The following TXNRD3 variants were observed in gnomAD, a reference collection of about 807,000 sequenced individuals.
The protein encoded by TXNRD3 is TXNRD3 neighbor gene protein.
Under a neutral mutation model 78.2 loss-of-function variants are expected in TXNRD3, and 68 were observed. The observed-to-expected ratio is 0.87, with a 90% CI of 0.72 to 1.06. TXNRD3 has a LOEUF of 1.06. Among genes scored for constraint, TXNRD3 ranks in the 50% least tolerant of loss-of-function variants. TXNRD3 has a pLI of 0.00. For missense variants in TXNRD3, 751 were observed against 809.5 expected (o/e 0.93, Z 0.88); for synonymous variants, 296 against 300.1 (o/e 0.99, Z 0.14).
At chr3:126,610,939 T>A in intron 14 of TXNRD3, 98 bp downstream of exon 14, 1 of 694,568 alleles carries the variant, frequency 1.4e-6, no homozygotes, top group Non-Finnish European at 2.2e-6. Context: ...CATGGCAAGA[T>A]CCCGTCTCTA....
chr3:126,615,823 A>T (rs1185875371), intron 12 of TXNRD3, among the ~76,000 whole-genome samples: 1 of 152,198 alleles, frequency 6.6e-6, no homozygotes, highest in East Asian at 1.9e-4. Context: ...CTGCTCCTGG[A>T]GCACTTCTTC....
intron 13 of TXNRD3, 45 bp downstream of exon 13, chr3:126,615,310 G>A: frequency 3.2e-6 from 3 of 945,466 alleles, no homozygotes; most frequent in South Asian, 3.8e-5. Context: ...ATAAATTGTT[G>A]ATTAAAAGAG....
chr3:126,621,845 T>G lies in TXNRD3; in HGVS notation c.1421A>C (p.Tyr474Ser). Residue 474 changes from tyrosine to serine, a missense_variant, in exon 12 of 16, where the codon TAT (tyrosine) becomes TCT (serine). Transcript: ENST00000524230. ...ATCCTCCAAAATATCACCAACAGCA[T>G]AGACATATGGCACATTGGTCTGTTC... 6.5e-7 allele frequency: 1 copy of G among 1,535,290 alleles called. No individual in the cohort carries two copies. The highest frequency in any genetic ancestry group is 2.4e-5 in the East Asian group (1 of 40,912).
intron 6 of TXNRD3, among the ~76,000 whole-genome samples, chr3:126,635,477 G>C (rs1031774946): frequency 6.6e-6 from 1 of 152,110 alleles, no homozygotes; most frequent in Non-Finnish European, 1.5e-5. Flanking sequence ...GATGTGTTTA[G>C]TCCTGCAACA....
rs868319344 is a variant in TXNRD3 at position 126,612,185 on chromosome 3, G to A, written c.1633-1053C>T. ...CCCAAGTAGCTGGGACTACAGGTGC[G>A]CATCTCCACACCTGGCTAATTTTTG... On this transcript the variant is annotated intron_variant, in intron 13 of 15. Transcript: ENST00000524230. 3.3e-5 allele frequency among the ~76,000 whole-genome samples: 5 copies of A among 152,062 alleles called. No individual in the cohort carries two copies. The Middle Eastern group carries it at 0.017, about 517-fold the overall frequency.
At chr3:126,638,861 C>T (rs1932986139) in intron 6 of TXNRD3, among the ~76,000 whole-genome samples, 1 of 152,232 alleles carries the variant, frequency 6.6e-6, no homozygotes, top group Non-Finnish European at 1.5e-5. Flanking sequence ...ACAGAATTAA[C>T]GTCATTTGAC....
chr3:126,610,735 C>A (rs1205752289), intron 14 of TXNRD3, among the ~76,000 whole-genome samples: 1 of 152,178 alleles, frequency 6.6e-6, no homozygotes, highest in Non-Finnish European at 1.5e-5. Flanking sequence ...TTTGAGAGGA[C>A]ACTGGTAGGG....
intron 5 of TXNRD3, 102 bp from the exon 6 acceptor site, chr3:126,642,253 G>T (rs528996113): frequency 1.5e-6 from 2 of 1,350,204 alleles, no homozygotes; most frequent in African/African-American, 3.0e-5. Flanking sequence ...CTCAATGGTG[G>T]GGGGGATGAC....
chr3:126,617,619 A>G (rs1938347485), intron 12 of TXNRD3, among the ~76,000 whole-genome samples: 1 of 152,234 alleles, frequency 6.6e-6, no homozygotes, highest in Non-Finnish European at 1.5e-5. Context: ...ACATTCTACA[A>G]GAAAAGTAAC....
chr3:126,637,932 CTTTTTTTTTTTTTTTTTT>C (rs71615916), intron 6 of TXNRD3, among the ~76,000 whole-genome samples: 4 of 60,190 alleles, frequency 6.6e-5, no homozygotes, highest in Admixed American at 2.6e-4. Flanking sequence ...ATTTCTCTCT[CTTTTTTTTTTTTTTTTTT>C]TTTTTTTTTT....
intron 15 of TXNRD3, 85 bp from the exon 16 acceptor site, chr3:126,608,058 T>C: frequency 9.5e-7 from 1 of 1,051,932 alleles, no homozygotes; most frequent in Non-Finnish European, 1.3e-6. Flanking sequence ...ATTTATGCTA[T>C]TCTTTAAAAT....
intron 6 of TXNRD3, 54 bp downstream of exon 6, chr3:126,641,977 TA>T: frequency 6.8e-7 from 1 of 1,464,978 alleles, no homozygotes; most frequent in South Asian, 1.4e-5. Context: ...AGTCTTTATC[TA>T]AAAAACTCAT....
At chr3:126,632,330 T>C (rs1336789949) in intron 7 of TXNRD3, among the ~76,000 whole-genome samples, 1 of 152,172 alleles carries the variant, frequency 6.6e-6, no homozygotes, top group Admixed American at 6.5e-5. Flanking sequence ...ACTTAGGCTA[T>C]GGGGAACCAA....
chr3:126,619,192 T>C (rs1202374310), intron 12 of TXNRD3, among the ~76,000 whole-genome samples: 1 of 152,112 alleles, frequency 6.6e-6, no homozygotes, highest in Non-Finnish European at 1.5e-5. Context: ...CCCCATATGA[T>C]CCAGCAATCC....
In TXNRD3 at chr3:126,631,883, G is replaced by T; in HGVS notation, c.856-4C>A. ...CCTGTCCTTTTTTATTGGTTGCCTT[G>T]AAAAAAGAGAAGTAAACCTCACTTA... is the stretch of plus-strand genomic sequence containing the variant. On this transcript the variant is annotated splice_polypyrimidine_tract_variant and splice_region_variant and intron_variant, in intron 7 of 15. Transcript: ENST00000524230. 6.5e-7 allele frequency: 1 copy of T among 1,527,528 alleles called. No homozygotes were observed. The highest frequency in any genetic ancestry group is 8.8e-7 in the Non-Finnish European group (1 of 1,139,638). The allele number at this position is 1,527,528 out of a possible 1,614,324, so 94.6% of individuals were successfully genotyped here.
intron 3 of TXNRD3, among the ~76,000 whole-genome samples, chr3:126,644,673 T>G (rs1364532179): frequency 6.6e-6 from 1 of 152,266 alleles, no homozygotes; most frequent in Non-Finnish European, 1.5e-5. Context: ...TGTGGCTCTG[T>G]ACCTATGTAA....
chr3:126,611,439 C>A (rs1938197020), intron 13 of TXNRD3, among the ~76,000 whole-genome samples: 1 of 152,216 alleles, frequency 6.6e-6, no homozygotes, highest in African/African-American at 2.4e-5. Context: ...TAGGCACAGG[C>A]TCTCGTGTGG....
intron 11 of TXNRD3, 71 bp from the exon 12 acceptor site, chr3:126,621,969 T>C: frequency 8.0e-7 from 1 of 1,248,768 alleles, no homozygotes; most frequent in Non-Finnish European, 1.0e-6. Context: ...CTAATACTAT[T>C]AGCCAAAAGA....
intron 5 of TXNRD3, 50 bp downstream of exon 5, chr3:126,643,931 A>AG: frequency 6.8e-7 from 1 of 1,466,762 alleles, no homozygotes; most frequent in South Asian, 1.3e-5. Context: ...TACATAAAGC[A>AG]AACAACATAT....
Sources: gnomAD v4.1 joint callset for allele counts (sites outside exome capture counted in the v4.1 genomes callset) on GRCh38, gnomAD v4.1.1 for gene constraint, MANE v1.5 for transcripts, NCBI Gene and HGNC (gene_info 2026-07-23, HGNC 2026-07-21) for gene names.